KAZN: variants seen among roughly 807,000 people sequenced by gnomAD.
The protein encoded by KAZN is kazrin.
KAZN carries 40 observed loss-of-function variants against 87.4 expected under a neutral mutation model. The observed-to-expected ratio is 0.46, with a 90% CI of 0.36 to 0.60. The LOEUF is 0.60. Ranked by LOEUF, KAZN falls within the 20% of genes least tolerant of loss-of-function variation. The pLI is 0.00. For missense variants in KAZN, 898 were observed against 1,073.9 expected (o/e 0.84, Z 2.29); for synonymous variants, 466 against 458.3 (o/e 1.02, Z -0.22).
At chr1:14,362,412 A>G (rs539286017) in intron 2 of KAZN, among the ~76,000 whole-genome samples, 15 of 152,212 alleles carry the variant, frequency 9.9e-5, no homozygotes, top group Non-Finnish European at 2.1e-4. Context: ...TTAGCCTGAC[A>G]AACATTGCAA....
intron 2 of KAZN, among the ~76,000 whole-genome samples, chr1:14,313,110 TCACTAATCAAGCA>T (rs1404726679): frequency 6.6e-6 from 1 of 152,184 alleles, no homozygotes; most frequent in Admixed American, 6.5e-5. Context: ...TGATAAATTT[TCACTAATCAAGCA>T]CACCACTGTA....
At chr1:14,734,464 C>A (rs112921809) in intron 1 of KAZN, among the ~76,000 whole-genome samples, 1 of 152,084 alleles carries the variant, frequency 6.6e-6, no homozygotes, top group South Asian at 2.1e-4. Context: ...CCACCACGCT[C>A]GACTAATTTT....
At chr1:14,789,042 G>A (rs1376633952) in intron 1 of KAZN, among the ~76,000 whole-genome samples, 2 of 152,202 alleles carry the variant, frequency 1.3e-5, no homozygotes, top group African/African-American at 4.8e-5. Context: ...GCAGAGTCCT[G>A]AAGGGATGGG....
At position 15,087,581 on chromosome 1, in the gene KAZN, G is replaced by T. The variant is rs1271097244; in HGVS notation, c.1223-6599G>T. Among the ~76,000 whole-genome samples, 3 of 152,124 alleles carry T rather than the reference G, an allele frequency of 2.0e-5. No individual in the cohort carries two copies. The East Asian group carries it at 5.8e-4, about 29-fold the overall frequency. On this transcript the variant is annotated intron_variant, in intron 8 of 14. Transcript: ENST00000376030. Reference sequence around the variant, plus strand: ...CTAATTTTTTTGTATTTTTAGTAGAGACGGGGTTTCACCATGTCGGCCAGG... The same window carrying T: ...CTAATTTTTTTGTATTTTTAGTAGATACGGGGTTTCACCATGTCGGCCAGG...
At chr1:14,578,048 A>T (rs890092179) in intron 2 of KAZN, among the ~76,000 whole-genome samples, 1 of 152,090 alleles carries the variant, frequency 6.6e-6, no homozygotes, top group African/African-American at 2.4e-5. Context: ...TACACTGAGG[A>T]TAATAAGTGC....
intron 2 of KAZN, among the ~76,000 whole-genome samples, chr1:15,018,558 G>A (rs4596878): frequency 6.8e-6 from 1 of 148,072 alleles, no homozygotes; most frequent in African/African-American, 2.5e-5. Context: ...CACAAAAATT[G>A]AAAATAATAA....
chr1:14,359,198 T>G (rs1278773150), intron 2 of KAZN, among the ~76,000 whole-genome samples: 1 of 152,220 alleles, frequency 6.6e-6, no homozygotes, highest in Non-Finnish European at 1.5e-5. Flanking sequence ...GTCTTTATCT[T>G]TGTTGGTTTA....
At chr1:14,863,319 A>G (rs3765384) in intron 1 of KAZN, among the ~76,000 whole-genome samples, 74,441 of 152,076 alleles carry the variant, frequency 0.49, 20,466 homozygotes, top group African/African-American at 0.74. Context: ...CTTCGGTGTG[A>G]CAGGCAGACC....
rs1251877808 is a variant in KAZN at position 14,510,564 on chromosome 1, A to C, written c.250-88419A>C. Among the ~76,000 whole-genome samples the C allele has an allele frequency of 2.0e-5, 3 of 152,220 alleles. No individual in the cohort carries two copies. In the East Asian group the frequency reaches 5.8e-4, roughly 29 times the overall value. On this transcript the variant is annotated intron_variant, in intron 2 of 16. Transcript: ENST00000636203. ...TTTATTTGCTAAATCTGGCAATGCT[A>C]TATAGTGAGCTCTCTCAGGAATTGA...
In KAZN at chr1:14,403,363, A is replaced by G. The variant is rs12097152; in HGVS notation, c.250-195620A>G. ...AAAATGTCTTTGAAGCTTCAGGCTCAGCCAAGAGTTCTTAGTAAAGATCCC... is the reference window on the plus strand; with the variant it reads ...AAAATGTCTTTGAAGCTTCAGGCTCGGCCAAGAGTTCTTAGTAAAGATCCC... On this transcript the variant is annotated intron_variant, in intron 2 of 16. Transcript: ENST00000636203. Among the ~76,000 whole-genome samples, 1,383 of 152,212 alleles carry G rather than the reference A, an allele frequency of 9.1e-3. 28 individuals are homozygous for G. Among genetic ancestry groups the G allele is most frequent in the African/African-American group, 0.032 (1,324 of 41,542 alleles).
chr1:14,344,509 A>C (rs1657970548), intron 2 of KAZN, among the ~76,000 whole-genome samples: 1 of 152,160 alleles, frequency 6.6e-6, no homozygotes, highest in South Asian at 2.1e-4. Flanking sequence ...TTGGGGACAT[A>C]GCAGAAGGCA....
At chr1:14,986,002 CAAAAAAAAAAA>C (rs56725513) in intron 2 of KAZN, among the ~76,000 whole-genome samples, 1 of 56,740 alleles carries the variant, frequency 1.8e-5, no homozygotes, top group Admixed American at 2.1e-4. Context: ...GACTCTGTCT[CAAAAAAAAAAA>C]AAAAAAAAAA....
chr1:14,258,081 AAG>A (rs1397063349), intron 2 of KAZN, among the ~76,000 whole-genome samples: 1 of 151,592 alleles, frequency 6.6e-6, no homozygotes, highest in Non-Finnish European at 1.5e-5. Flanking sequence ...TGAACGGATG[AAG>A]AGAGAGAGGA....
At position 14,046,133 on chromosome 1, in the gene KAZN, T is replaced by C. The variant is rs567342149; in HGVS notation, c.92-134302T>C. Among the ~76,000 whole-genome samples, 3 of 152,288 alleles carry C rather than the reference T, an allele frequency of 2.0e-5. No individual in the cohort carries two copies. The East Asian group carries it at 5.8e-4, about 29-fold the overall frequency. ...ACCGGCAGTTTGATAAAAAATTTAA[T>C]AGGAATCATGGATGGTGGGTTCACC... On this transcript the variant is annotated intron_variant, in intron 1 of 16. Coordinates refer to the KAZN transcript ENST00000636203.
chr1:14,783,027 G>C (rs1029418885), intron 1 of KAZN, among the ~76,000 whole-genome samples: 10 of 152,132 alleles, frequency 6.6e-5, no homozygotes, highest in African/African-American at 2.4e-4. Context: ...GAGAGACTCA[G>C]GAGAGATGCC....
At position 14,680,484 on chromosome 1, in the gene KAZN, G is replaced by A. The variant is rs187640776; in HGVS notation, c.226+81261G>A. Among the ~76,000 whole-genome samples the A allele has an allele frequency of 4.6e-5, 7 of 152,166 alleles. No individual in the cohort carries two copies. The East Asian group carries it at 5.8e-4, about 13-fold the overall frequency. ...TTTTATTATTTAAGTTCTGGGATACGTGTGCAGAATGTGCAGGTTTGCTAC... is the reference window on the plus strand; with the variant it reads ...TTTTATTATTTAAGTTCTGGGATACATGTGCAGAATGTGCAGGTTTGCTAC... On this transcript the variant is annotated intron_variant, in intron 1 of 14. Transcript: ENST00000376030.
chr1:15,001,427 C>G (rs962979534), intron 2 of KAZN, among the ~76,000 whole-genome samples: 14 of 151,324 alleles, frequency 9.3e-5, no homozygotes, highest in Non-Finnish European at 1.5e-4. Context: ...GATTGCACCA[C>G]TACACTTCAA....
At chr1:14,472,540 C>T (rs1406195397) in intron 2 of KAZN, among the ~76,000 whole-genome samples, 1 of 152,158 alleles carries the variant, frequency 6.6e-6, no homozygotes, top group Non-Finnish European at 1.5e-5. Context: ...CACATGGCCA[C>T]CCCATCTTCC....
chr1:14,188,291 GT>G (rs1383901253), intron 2 of KAZN, among the ~76,000 whole-genome samples: 1 of 151,454 alleles, frequency 6.6e-6, no homozygotes, highest in Admixed American at 6.6e-5. Flanking sequence ...TTAGTTTTGT[GT>G]GTTAAGCATT....
Sources: allele counts gnomAD v4.1 joint callset (sites outside exome capture counted in the v4.1 genomes callset), GRCh38; gene constraint gnomAD v4.1.1; transcripts MANE v1.5; gene names NCBI Gene and HGNC (gene_info 2026-07-23, HGNC 2026-07-21).